LZTFL1: variants seen among roughly 807,000 people sequenced by gnomAD.
The protein encoded by LZTFL1 is leucine zipper transcription factor-like protein 1.
Under a neutral mutation model 45.9 loss-of-function variants are expected in LZTFL1, and 25 were observed. That is an observed-to-expected ratio of 0.54 (90% CI 0.40 to 0.76). The LOEUF (loss-of-function observed/expected upper bound fraction) is 0.76, where lower values mean the gene tolerates loss of function less well. LZTFL1 is among the 30% of genes least tolerant of loss of function. LZTFL1 has a pLI of 0.00. For missense variants in LZTFL1, 277 were observed against 331.1 expected (o/e 0.84, Z 1.27); for synonymous variants, 93 against 117.4 (o/e 0.79, Z 1.35).
At chr3:45,870,298 C>A (rs555382028) in intron 2 of LZTFL1, among the ~76,000 whole-genome samples, 5 of 152,218 alleles carry the variant, frequency 3.3e-5, no homozygotes, top group Admixed American at 6.5e-5. Flanking sequence ...GTTTTCGCTG[C>A]TCTAGAATTA....
At chr3:45,911,284 CAT>C (rs1322953100) in intron 2 of LZTFL1, among the ~76,000 whole-genome samples, 2 of 152,232 alleles carry the variant, frequency 1.3e-5, no homozygotes, top group African/African-American at 4.8e-5. Context: ...TAAATTAACT[CAT>C]CTTTCAATGA....
intron 4 of LZTFL1, chr3:45,854,835 C>G (rs1195162155): frequency 5.1e-6 from 3 of 589,250 alleles, no homozygotes; most frequent in African/African-American, 1.9e-5. Flanking sequence ...AGGATTACAT[C>G]TGAAATAACT....
intron 7 of LZTFL1, 100 bp from the exon 8 acceptor site, chr3:45,828,715 G>A (rs530764114): frequency 5.7e-5 from 62 of 1,091,982 alleles, no homozygotes; most frequent in African/African-American, 1.4e-4. Context: ...AAAAAATGAT[G>A]TATGTTTTGT....
At chr3:45,830,579 G>A (rs1700786461) in intron 7 of LZTFL1, among the ~76,000 whole-genome samples, 1 of 151,586 alleles carries the variant, frequency 6.6e-6, no homozygotes, top group Non-Finnish European at 1.5e-5. Flanking sequence ...AGTGAGAGGG[G>A]AAACTTAAAA....
intron 2 of LZTFL1, among the ~76,000 whole-genome samples, chr3:45,882,807 T>C (rs1250216741): frequency 1.3e-5 from 1 of 77,942 alleles, no homozygotes; most frequent in Non-Finnish European, 2.4e-5. Context: ...CTATTATTAT[T>C]ATTATTATTA....
intron 2 of LZTFL1, among the ~76,000 whole-genome samples, chr3:45,861,173 TATTATA>T (rs1701482735): frequency 6.7e-6 from 1 of 149,178 alleles, no homozygotes; most frequent in Non-Finnish European, 1.5e-5. Flanking sequence ...TGCCTGTGCG[TATTATA>T]ATTATTTTGA....
At chr3:45,861,103 C>T (rs1421798115) in intron 2 of LZTFL1, among the ~76,000 whole-genome samples, 1 of 151,688 alleles carries the variant, frequency 6.6e-6, no homozygotes, top group Non-Finnish European at 1.5e-5. Flanking sequence ...AGGCGATGGA[C>T]ACTAGAGAGG....
Position 45,897,439 on chromosome 3 carries a change from A to G in LZTFL1, c.-215+15681T>C, listed in dbSNP as rs1223404673. The G allele has an allele frequency of 1.6e-5, 11 of 709,566 alleles. No individual in the cohort carries two copies. The East Asian group carries it at 2.2e-4, about 14-fold the overall frequency. 44.0% of individuals were successfully genotyped at this position (709,566 alleles called of 1,614,324 possible). ...CCCCCTGGGCTTCCAGCAGGACACA[A>G]TGTCCTTGTCTGGGATTCAGTCTTG... On this transcript the variant is annotated intron_variant, in intron 2 of 4. Coordinates refer to the LZTFL1 transcript ENST00000472635.
chr3:45,868,354 C>G (rs1163733005), intron 2 of LZTFL1, among the ~76,000 whole-genome samples: 1 of 151,968 alleles, frequency 6.6e-6, no homozygotes, highest in Non-Finnish European at 1.5e-5. Flanking sequence ...GTTTTTCAAA[C>G]CTTAGAGAGC....
At chr3:45,915,645 A>T, upstream of LZTFL1, 1 of 382,276 alleles carries the variant, frequency 2.6e-6, no homozygotes. Context: ...TTTTTAGCTA[A>T]AAAAGACTTA....
intron 2 of LZTFL1, among the ~76,000 whole-genome samples, chr3:45,862,564 A>T (rs1050595408): frequency 1.3e-5 from 2 of 152,220 alleles, no homozygotes; most frequent in African/African-American, 4.8e-5. Flanking sequence ...CCTCGCGGGG[A>T]AACAGTGACT....
At chr3:45,898,256 C>T (rs748416611) in intron 2 of LZTFL1, among the ~76,000 whole-genome samples, 16 of 152,280 alleles carry the variant, frequency 1.1e-4, no homozygotes, top group Admixed American at 3.3e-4. Flanking sequence ...TCCTACAGGA[C>T]GACTGTCTTA....
chr3:45,894,845 A>T, intron 2 of LZTFL1: 1 of 1,187,736 alleles, frequency 8.4e-7, no homozygotes, highest in East Asian at 2.3e-5. Flanking sequence ...TCTTTTTGGC[A>T]TTTGGTTGTT....
chr3:45,890,312 T>TATAAC (rs10677703), intron 2 of LZTFL1, among the ~76,000 whole-genome samples: 2 of 61,994 alleles, frequency 3.2e-5, no homozygotes, highest in African/African-American at 8.7e-5. Context: ...AACATATATA[T>TATAAC]ATATTTATAT....
rs140380428 is a variant in LZTFL1 at position 45,863,924 on chromosome 3, T to G, written c.-214-4908A>C. ...TGAATTTGAATAATATAATGGCTAT[T>G]AGATGATATTAAAGAATGATTATTA... On this transcript the variant is annotated intron_variant, in intron 2 of 4. Transcript: ENST00000472635. Among the ~76,000 whole-genome samples, 441 of 152,324 alleles carry G rather than the reference T, an allele frequency of 2.9e-3. 1 individual carries two copies. The highest frequency in any genetic ancestry group is 0.01 in the African/African-American group (419 of 41,564).
upstream of LZTFL1, among the ~76,000 whole-genome samples, chr3:45,844,912 C>T (rs573196241): frequency 4.3e-4 from 66 of 152,186 alleles, no homozygotes; most frequent in Non-Finnish European, 6.3e-4. Context: ...ACAACTCCCT[C>T]TAAGAATGTG....
chr3:45,837,437 C>G (rs547772487), intron 2 of LZTFL1, among the ~76,000 whole-genome samples: 2 of 152,176 alleles, frequency 1.3e-5, no homozygotes, highest in Non-Finnish European at 2.9e-5. Context: ...AAATCAGCTA[C>G]GGTCCAACCA....
chr3:45,850,897 C>G (rs560068112), intron 4 of LZTFL1, among the ~76,000 whole-genome samples: 1 of 152,284 alleles, frequency 6.6e-6, no homozygotes, highest in East Asian at 1.9e-4. Flanking sequence ...AGAACATTCA[C>G]TCATTCAAGC....
intron 2 of LZTFL1, among the ~76,000 whole-genome samples, chr3:45,877,741 GTTT>G (rs71288016): frequency 7.3e-6 from 1 of 137,098 alleles, no homozygotes. Context: ...TCATTTATTA[GTTT>G]TTTTTTTTTT....
Sources: gnomAD v4.1 joint callset for allele counts (sites outside exome capture counted in the v4.1 genomes callset) on GRCh38, gnomAD v4.1.1 for gene constraint, MANE v1.5 for transcripts, NCBI Gene and HGNC (gene_info 2026-07-23, HGNC 2026-07-21) for gene names.